The following ADAM18 variants were observed in gnomAD, a reference collection of about 807,000 sequenced individuals.
The protein encoded by ADAM18 is disintegrin and metalloproteinase domain-containing protein 18.
ADAM18 carries 117 observed loss-of-function variants against 94.4 expected under a neutral mutation model. The observed-to-expected ratio is 1.24, with a 90% CI of 1.07 to 1.45. The LOEUF is 1.45. Ranked by LOEUF, ADAM18 falls within the 40% of genes most tolerant of loss-of-function variation. The pLI is 0.00. For synonymous variants in ADAM18, 327 were observed against 291.6 expected, an observed-to-expected ratio of 1.12 and a Z score of -1.24; for missense variants, 936 against 880.0, an observed-to-expected ratio of 1.06 and a Z score of -0.81.
intron 2 of ADAM18, among the ~76,000 whole-genome samples, chr8:39,593,235 A>G (rs1818629402): frequency 6.6e-6 from 1 of 152,164 alleles, no homozygotes; most frequent in Non-Finnish European, 1.5e-5. Flanking sequence ...AACCTTCTCC[A>G]TATCAGCAAT....
intron 12 of ADAM18, among the ~76,000 whole-genome samples, chr8:39,654,152 TCC>T (rs775923483): frequency 6.9e-6 from 1 of 145,074 alleles, no homozygotes; most frequent in African/African-American, 2.6e-5. Flanking sequence ...AGGATTTCAT[TCC>T]TTTTTTTTTT....
At chr8:39,705,071 T>C (rs7461443) in intron 17 of ADAM18, among the ~76,000 whole-genome samples, 76,765 of 151,988 alleles carry the variant, frequency 0.51, 21,567 homozygotes, top group Non-Finnish European at 0.64. Context: ...AATTATCATA[T>C]TTTGGTTTAC....
intron 3 of ADAM18, among the ~76,000 whole-genome samples, chr8:39,606,783 G>A (rs1819099718): frequency 6.6e-6 from 1 of 152,068 alleles, no homozygotes; most frequent in African/African-American, 2.4e-5. Flanking sequence ...CGAACAGAGA[G>A]TCAGCAAAGG....
intron 2 of ADAM18, among the ~76,000 whole-genome samples, chr8:39,601,362 T>TA (rs1257045886): frequency 3.3e-5 from 5 of 152,252 alleles, no homozygotes. Flanking sequence ...TTATAAGTAA[T>TA]ACTTGTTTCC....
At position 39,673,480 on chromosome 8, in the gene ADAM18, C is replaced by A. The variant is rs185858178; in HGVS notation, c.1526-3951C>A. Among the ~76,000 whole-genome samples the A allele has an allele frequency of 1.5e-4, 23 of 152,206 alleles. No individual in the cohort carries two copies. In the South Asian group the frequency reaches 1.7e-3, roughly 11 times the overall value. On this transcript the variant is annotated intron_variant, in intron 14 of 19. Transcript: ENST00000265707. ...TATCCCTCTCCCCACACCCCACCCC[C>A]CAACAAGCCCCAGCATGTGACGTTC...
At position 39,661,319 on chromosome 8, in the gene ADAM18, ATTTTTTTTTTTTT is replaced by A. The variant is rs71518171; in HGVS notation, c.1231-2460_1231-2448del. On this transcript the variant is annotated intron_variant, in intron 12 of 19. Coordinates refer to ENST00000265707, the MANE Select transcript of ADAM18 (RefSeq NM_014237.3). ...AGGCGCCCACCACCACACCCGGCAA[ATTTTTTTTTTTTT>A]TTTTTTTTTTTTTTTGTATTTTTGG... Among the ~76,000 whole-genome samples, 555 of 112,810 alleles carry A rather than the reference ATTTTTTTTTTTTT, an allele frequency of 4.9e-3. 8 individuals are homozygous for A. Among genetic ancestry groups the A allele is most frequent in the African/African-American group, 6.9e-3 (167 of 24,282 alleles). The allele number at this position is 112,810 out of a possible 152,430, so 74.0% of individuals were successfully genotyped here.
Position 39,677,518 on chromosome 8 carries a change from C to A in ADAM18, c.1613C>A (p.Pro538Gln), listed in dbSNP as rs1053451044. 1 of 1,604,610 alleles carries A rather than the reference C, an allele frequency of 6.2e-7. No individual in the cohort carries two copies. ...AACTGTGGTTTTAAAAATTCACAAC[C>A]ATTACCTTGTGAACGGAAGTACGTA... ...SENCGFKNSQ[P>Q]LPCERKDVLC... The change falls in exon 15 of 20, where the codon CCA (proline) becomes CAA (glutamine). Residue 538 changes from proline to glutamine, a missense_variant. By Grantham distance (76) the Pro-to-Gln change is moderately conservative (BLOSUM62 -1). Transcript: ENST00000265707.
intron 14 of ADAM18, among the ~76,000 whole-genome samples, chr8:39,668,588 T>C (rs1334532371): frequency 6.6e-6 from 1 of 152,134 alleles, no homozygotes; most frequent in Admixed American, 6.6e-5. Flanking sequence ...TAATCATATT[T>C]CCTAACTGAG....
intron 6 of ADAM18, among the ~76,000 whole-genome samples, chr8:39,617,556 T>C (rs1296006510): frequency 6.6e-6 from 1 of 152,182 alleles, no homozygotes; most frequent in East Asian, 1.9e-4. Flanking sequence ...ATCATAGTAC[T>C]ATTCACAGTA....
chr8:39,671,717 C>T (rs1175665157), intron 14 of ADAM18, among the ~76,000 whole-genome samples: 2 of 152,144 alleles, frequency 1.3e-5, no homozygotes, highest in Non-Finnish European at 2.9e-5. Context: ...CTTCATAACA[C>T]GAAGTGTATT....
intron 3 of ADAM18, among the ~76,000 whole-genome samples, chr8:39,607,737 T>C (rs993379151): frequency 2.1e-5 from 3 of 143,248 alleles, no homozygotes; most frequent in African/African-American, 8.0e-5. Flanking sequence ...GTCTCTCCTT[T>C]CTCTATTTTT....
intron 2 of ADAM18, among the ~76,000 whole-genome samples, chr8:39,597,187 A>G (rs1818768040): frequency 6.6e-6 from 1 of 152,118 alleles, no homozygotes; most frequent in African/African-American, 2.4e-5. Context: ...CCTTTATCAT[A>G]TAGGCCTTTT....
rs10093794 is a variant in ADAM18, at chr8:39,637,309, G to T, written c.634G>T (p.Val212Phe). Residue 212 changes from valine (V) to phenylalanine (F), a missense_variant, in exon 8 of 20, where the codon GTC becomes TTC. By Grantham distance (50) the Val-to-Phe change is conservative. Transcript: ENST00000265707. ...AATGATGGCTGTAACACAAAAAATT[G>T]TCCAGGTTATTGGGCTTGTCAACAC... ...SEMMAVTQKI[V>F]QVIGLVNTMF... is the part of the protein sequence containing the mutation. The T allele has an allele frequency of 6.4e-3, 10,314 of 1,605,692 alleles. 517 individuals carry two copies. The African/African-American group carries it at 0.11, about 17-fold the overall frequency.
Position 39,668,024 on chromosome 8 carries a change from A to G in ADAM18, c.1353A>G (p.Arg451=). The change falls in exon 14 of 20, where the codon AGA becomes AGG. Residue 451 remains arginine (R), a synonymous_variant. Transcript: ENST00000265707. ...CELSIAGTPC[R]KSIDPECDFT... is the part of the protein sequence containing the mutation. ...TGTCAATAGCAGGCACTCCATGTAG[A>G]AAGAGTATTGATCCAGAGTGTGATT... is the stretch of plus-strand genomic sequence containing the variant. The G allele has an allele frequency of 6.2e-7, 1 of 1,614,062 alleles. No homozygotes were observed. Among genetic ancestry groups the G allele is most frequent in the African/African-American group, 1.3e-5 (1 of 75,038 alleles).
rs574173942 is a variant in ADAM18 at position 39,662,673 on chromosome 8, G to A, written c.1231-1122G>A. 2.0e-5 allele frequency among the ~76,000 whole-genome samples: 3 copies of A among 152,296 alleles called. No individual in the cohort carries two copies. In the East Asian group the frequency reaches 5.8e-4, roughly 29 times the overall value. On this transcript the variant is annotated intron_variant, in intron 12 of 19. Coordinates refer to ENST00000265707, the MANE Select transcript of ADAM18 (RefSeq NM_014237.3). ...GTAGTCTCACTCTGTCACCCAGGCT[G>A]GAGTGCAGTGGCATGACCTTGGCTC...
Position 39,655,768 on chromosome 8 carries a change from G to A in ADAM18, c.1230+7241G>A, listed in dbSNP as rs79449062. 1.2e-3 allele frequency among the ~76,000 whole-genome samples: 185 copies of A among 151,956 alleles called. 1 individual carries two copies. Among genetic ancestry groups the A allele is most frequent in the African/African-American group, 4.1e-3 (172 of 41,462 alleles). On this transcript the variant is annotated intron_variant, in intron 12 of 19. Coordinates refer to ENST00000265707, the MANE Select transcript of ADAM18 (RefSeq NM_014237.3). ...TAATCTAGAAATAAATTATTTGCACGTATAAATGAATTTATCGAGGTCACT... is the reference window on the plus strand; with the variant it reads ...TAATCTAGAAATAAATTATTTGCACATATAAATGAATTTATCGAGGTCACT...
intron 11 of ADAM18, among the ~76,000 whole-genome samples, chr8:39,647,962 T>C (rs1820430634): frequency 6.6e-6 from 1 of 152,036 alleles, no homozygotes; most frequent in African/African-American, 2.4e-5. Context: ...ATAGACAGAG[T>C]AACAGTCTGA....
chr8:39,594,928 C>T (rs58299105), intron 2 of ADAM18, among the ~76,000 whole-genome samples: 36,168 of 148,348 alleles, frequency 0.24, 4,620 homozygotes, highest in East Asian at 0.49. Flanking sequence ...AGTACCTTTT[C>T]AACTGTAGCC....
chr8:39,722,471 A>C (rs769654501), intron 18 of ADAM18, among the ~76,000 whole-genome samples: 7 of 151,136 alleles, frequency 4.6e-5, no homozygotes, highest in Admixed American at 1.3e-4. Context: ...GGAGCTAAAC[A>C]ATGGGTACAC....
Sources: gnomAD v4.1 joint callset for allele counts (sites outside exome capture counted in the v4.1 genomes callset) on GRCh38, gnomAD v4.1.1 for gene constraint, MANE v1.5 for transcripts, NCBI Gene and HGNC (gene_info 2026-07-23, HGNC 2026-07-21) for gene names.